Variants in ROS1 observed in about 807,000 individuals in gnomAD.
ROS1 encodes the protein proto-oncogene tyrosine-protein kinase ROS.
ROS1 carries 263 observed loss-of-function variants against 273.5 expected under a neutral mutation model. That is an observed-to-expected ratio of 0.96 (90% CI 0.87 to 1.06). The LOEUF is 1.06. Ranked by LOEUF, ROS1 falls within the 50% of genes least tolerant of loss-of-function variation. ROS1 has a pLI of 0.00. For synonymous variants in ROS1, 1,008 were observed against 954.1 expected, an observed-to-expected ratio of 1.06 and a Z score of -1.04; for missense variants, 2,833 against 2,751.1, an observed-to-expected ratio of 1.03 and a Z score of -0.67.
intron 26 of ROS1, among the ~76,000 whole-genome samples, chr6:117,355,002 G>A (rs759157963): frequency 1.3e-5 from 2 of 152,174 alleles, no homozygotes; most frequent in Non-Finnish European, 2.9e-5. Flanking sequence ...CTAAAGGCAG[G>A]CCAAGAGCCT....
At chr6:117,297,609 A>T (rs779348727) in intron 43 of ROS1, among the ~76,000 whole-genome samples, 1 of 152,210 alleles carries the variant, frequency 6.6e-6, no homozygotes, top group South Asian at 2.1e-4. Context: ...ACCAACAGGT[A>T]TATGGAAAAA....
Position 117,310,324 on chromosome 6 carries a change from A to G in ROS1, c.6216-43T>C, listed in dbSNP as rs764623140. The G allele has an allele frequency of 2.1e-6, 3 of 1,401,794 alleles. No individual in the cohort carries two copies. The South Asian group carries it at 4.0e-5, about 19-fold the overall frequency. 86.8% of individuals were successfully genotyped at this position (1,401,794 alleles called of 1,614,324 possible). A position where few individuals can be genotyped will look rare whatever the true frequency, so the allele number is the denominator to read the frequency against. ...TTTAATAATAATAATAATAACAACA[A>G]TAAAGTTCCAGAAATCAAAGAAGTA... On this transcript the variant is annotated intron_variant, in intron 40 of 43. Coordinates refer to ENST00000368507, the MANE Select transcript of ROS1 (RefSeq NM_001378902.1).
chr6:117,369,809 G>A lies in ROS1; in HGVS notation c.2583-3519C>T, dbSNP rs112548375. On this transcript the variant is annotated intron_variant, in intron 18 of 43. Transcript: ENST00000368507. ...CTGCCATACTTGATATGAAGTAATT[G>A]ATCAATCAGATTTGTTGTGTTTATG... Among the ~76,000 whole-genome samples, 668 of 152,154 alleles carry A rather than the reference G, an allele frequency of 4.4e-3. 2 individuals are homozygous for A. The highest frequency in any genetic ancestry group is 6.8e-3 in the Middle Eastern group (2 of 294).
intron 1 of ROS1, among the ~76,000 whole-genome samples, chr6:117,419,141 G>A (rs1018980229): frequency 8.5e-5 from 13 of 152,202 alleles, no homozygotes; most frequent in African/African-American, 1.4e-4. Flanking sequence ...TTGCTAGAGA[G>A]AAGAGAGCAG....
chr6:117,351,753 A>G (rs921494634), intron 27 of ROS1, among the ~76,000 whole-genome samples: 2 of 152,170 alleles, frequency 1.3e-5, no homozygotes, highest in Non-Finnish European at 2.9e-5. Flanking sequence ...TTAAGTTTTC[A>G]GTTTGCTCAG....
At chr6:117,375,634 A>G (rs537518809) in intron 18 of ROS1, among the ~76,000 whole-genome samples, 5 of 152,216 alleles carry the variant, frequency 3.3e-5, no homozygotes, top group Non-Finnish European at 7.3e-5. Context: ...ACAATTTAAA[A>G]GTAAATAAAT....
intron 5 of ROS1, among the ~76,000 whole-genome samples, chr6:117,407,330 A>G (rs1205194697): frequency 6.6e-6 from 1 of 152,208 alleles, no homozygotes; most frequent in Admixed American, 6.5e-5. Context: ...ATCTGCTGAC[A>G]TCCAAGCCAT....
At chr6:117,336,113 AT>A (rs906861988) in intron 32 of ROS1, among the ~76,000 whole-genome samples, 4 of 152,302 alleles carry the variant, frequency 2.6e-5, no homozygotes, top group African/African-American at 9.6e-5. Flanking sequence ...ATAAATGAAA[AT>A]AAAGAAAACT....
chr6:117,291,117 T>C (rs1355141000), intron 43 of ROS1, among the ~76,000 whole-genome samples: 1 of 152,228 alleles, frequency 6.6e-6, no homozygotes, highest in African/African-American at 2.4e-5. Flanking sequence ...AACTCAATTA[T>C]CAATTTAGTG....
rs1444274116 is a variant in ROS1, at chr6:117,393,231, A to G, written c.1282T>C (p.Tyr428His). The G allele has an allele frequency of 3.8e-6, 6 of 1,580,600 alleles. No homozygotes were observed. The highest frequency in any genetic ancestry group is 5.2e-6 in the Non-Finnish European group (6 of 1,149,814). Residue 428 changes from tyrosine to histidine, a missense_variant, in exon 12 of 44, where the codon TAC becomes CAC. By Grantham distance (83) the Tyr-to-His change is moderately conservative (BLOSUM62 2). Coordinates refer to ENST00000368507, the MANE Select transcript of ROS1 (RefSeq NM_001378902.1). ...TACAAGGCTAACACATACCCATTGT[A>G]TGAATCAGCCACAATTTTTTGAGGT... The part of the protein sequence containing the change: ...SAPQKIVADS[Y>H]NGYVFYLLRD...
chr6:117,373,231 G>T (rs375145905), intron 18 of ROS1, among the ~76,000 whole-genome samples: 127 of 152,358 alleles, frequency 8.3e-4, no homozygotes, highest in African/African-American at 2.8e-3. Context: ...GCTTCGCCTA[G>T]TGGATCCTGT....
At chr6:117,347,557 T>C (rs1205842333) in intron 27 of ROS1, among the ~76,000 whole-genome samples, 1 of 151,984 alleles carries the variant, frequency 6.6e-6, no homozygotes, top group African/African-American at 2.4e-5. Context: ...CCTTTTCTTG[T>C]ATTGTATACC....
At chr6:117,305,430 T>C (rs961860657) in intron 42 of ROS1, among the ~76,000 whole-genome samples, 1 of 152,198 alleles carries the variant, frequency 6.6e-6, no homozygotes. Flanking sequence ...GTTTAATCTA[T>C]AAAATCCACT....
intron 23 of ROS1, 69 bp downstream of exon 23, chr6:117,360,273 G>GACAA: frequency 1.3e-6 from 1 of 762,284 alleles, no homozygotes; most frequent in Non-Finnish European, 2.2e-6. Flanking sequence ...ACACCAATGG[G>GACAA]ACACACACAC....
intron 7 of ROS1, among the ~76,000 whole-genome samples, chr6:117,398,547 C>T (rs184990651): frequency 3.5e-4 from 53 of 151,980 alleles, no homozygotes; most frequent in Non-Finnish European, 5.9e-4. Context: ...GGCATGGTGG[C>T]GCATGCCTGT....
At chr6:117,295,022 C>A (rs1774117117) in intron 43 of ROS1, among the ~76,000 whole-genome samples, 1 of 152,070 alleles carries the variant, frequency 6.6e-6, no homozygotes, top group African/African-American at 2.4e-5. Flanking sequence ...GCAAAAGGAA[C>A]AAAACTCAAA....
At chr6:117,368,120 T>C (rs894663125) in intron 18 of ROS1, among the ~76,000 whole-genome samples, 4 of 152,212 alleles carry the variant, frequency 2.6e-5, no homozygotes, top group Non-Finnish European at 4.4e-5. Context: ...TAAAAAACTT[T>C]AAATTGTGTT....
intron 22 of ROS1, among the ~76,000 whole-genome samples, chr6:117,362,217 T>C (rs545928760): frequency 3.0e-4 from 46 of 152,242 alleles, no homozygotes; most frequent in Non-Finnish European, 5.9e-4. Context: ...CTCTTGCCTC[T>C]CTACTTTTGC....
intron 14 of ROS1, 71 bp downstream of exon 14, chr6:117,387,709 G>A: frequency 6.6e-7 from 1 of 1,509,676 alleles, no homozygotes; most frequent in Non-Finnish European, 8.9e-7. Flanking sequence ...CCAAGGCAAG[G>A]AAATTTAAAG....
Sources: allele counts gnomAD v4.1 joint callset (sites outside exome capture counted in the v4.1 genomes callset), GRCh38; gene constraint gnomAD v4.1.1; transcripts MANE v1.5; gene names NCBI Gene and HGNC (gene_info 2026-07-23, HGNC 2026-07-21).